Variants in MATR3 observed in about 807,000 individuals in gnomAD.
The protein encoded by MATR3 is matrin-3.
In MATR3, 4 loss-of-function variants were observed where a neutral mutation model predicts 85.5. That is an observed-to-expected ratio of 0.05 (90% CI 0.02 to 0.11). MATR3 has a LOEUF of 0.11. Among genes scored for constraint, MATR3 ranks in the 10% least tolerant of loss-of-function variants. The probability of loss-of-function intolerance (pLI) is 1.00; values close to 1 mark genes in which losing one functional copy is unlikely to be tolerated. For synonymous variants in MATR3, 336 were observed against 343.1 expected (o/e 0.98, Z 0.23); for missense variants, 685 against 1,016.1 (o/e 0.67, Z 4.43).
intron 1 of MATR3, chr5:139,295,129 A>T (rs775552415): frequency 2.0e-5 from 3 of 152,238 alleles, no homozygotes; most frequent in Non-Finnish European, 2.9e-5. Flanking sequence ...GACAAAAATG[A>T]TGTTTCAGGC....
intron 12 of MATR3, 173 bp from the exon 13 acceptor site, chr5:139,325,267 T>G (rs924585725): frequency 1.3e-6 from 2 of 1,550,594 alleles, no homozygotes; most frequent in Non-Finnish European, 1.7e-6. Flanking sequence ...AGGATAATTG[T>G]TGCAGAGTAA....
At chr5:139,319,306 G>C (rs1264811970) in intron 8 of MATR3, 28 bp from the exon 9 acceptor site, 6 of 1,601,474 alleles carry the variant, frequency 3.7e-6, no homozygotes, top group Non-Finnish European at 5.1e-6. Flanking sequence ...TTGCACATTT[G>C]TCCTTTTGTT....
intron 1 of MATR3, among the ~76,000 whole-genome samples, chr5:139,302,638 T>C (rs1340859962): frequency 6.6e-6 from 1 of 152,238 alleles, no homozygotes; most frequent in Non-Finnish European, 1.5e-5. Context: ...AATATTTTTG[T>C]GTGATTTATG....
At chr5:139,314,862 G>A (rs1755163323) in intron 3 of MATR3, 126 bp downstream of exon 3, 1 of 792,932 alleles carries the variant, frequency 1.3e-6, no homozygotes, top group Non-Finnish European at 2.1e-6. Flanking sequence ...GTACTGTATG[G>A]ACAATACTAT....
At chr5:139,314,937 GTTA>G (rs1412687940) in intron 3 of MATR3, 2 of 527,674 alleles carry the variant, frequency 3.8e-6, no homozygotes, top group Admixed American at 3.0e-5. Context: ...ATAATATTTT[GTTA>G]TTTAACATTT....
chr5:139,312,711 G>A (rs772002999), intron 2 of MATR3: 8 of 152,150 alleles, frequency 5.3e-5, no homozygotes, highest in Admixed American at 2.6e-4. Context: ...GAGTGCAATG[G>A]TGTGATCTTG....
chr5:139,329,004 C>G (rs1489506777), intron 14 of MATR3, among the ~76,000 whole-genome samples: 1 of 146,190 alleles, frequency 6.8e-6, no homozygotes, highest in Non-Finnish European at 1.5e-5. Context: ...AACTCTCCCT[C>G]AAAAAAAAAA....
intron 3 of MATR3, among the ~76,000 whole-genome samples, chr5:139,286,816 C>G (rs920575908): frequency 1.3e-5 from 2 of 148,676 alleles, no homozygotes; most frequent in African/African-American, 4.9e-5. Flanking sequence ...TATACTCCAG[C>G]CCGGGCAAGA....
Position 139,307,857 on chromosome 5 carries a change from A to T in MATR3, c.442A>T (p.Arg148Trp). ...LPQILLQLKR[R>W]RTEEGPTLSY... ...CCAAATCCTTCTACAGCTTAAAAGG[A>T]GGAGAACTGAAGAAGGCCCTACCTT... Residue 148 changes from arginine (R) to tryptophan (W), a missense_variant, in exon 2 of 15, where the codon AGG becomes TGG. Physicochemically the swap from Arg to Trp is moderately radical, Grantham distance 101 (BLOSUM62 -3). This residue lies in a region of MATR3 where 223 missense variants were observed against 334.4 expected (regional missense o/e 0.67). Coordinates refer to ENST00000394805, the MANE Select transcript of MATR3 (RefSeq NM_018834.6). This position sits in a 1 kb window ranked among gnomAD's most constrained non-coding sequence, Gnocchi z 4.4. 6.2e-7 allele frequency: 1 copy of T among 1,614,126 alleles called. No individual in the cohort carries two copies. The highest frequency in any genetic ancestry group is 8.5e-7 in the Non-Finnish European group (1 of 1,180,016).
intron 2 of MATR3, chr5:139,311,841 C>T (rs760255184): frequency 3.1e-5 from 4 of 129,718 alleles, no homozygotes; most frequent in Non-Finnish European, 3.1e-5. Context: ...GATCTTGGCT[C>T]ACTGCATCCT....
In MATR3 at chr5:139,308,193, T is replaced by G; in HGVS notation, c.778T>G (p.Leu260Val). 6.2e-7 allele frequency: 1 copy of G among 1,614,124 alleles called. No homozygotes were observed. Among genetic ancestry groups the G allele is most frequent in the Non-Finnish European group, 8.5e-7 (1 of 1,180,000 alleles). The change falls in exon 2 of 15, where the codon TTA (leucine) becomes GTA (valine). Residue 260 changes from leucine (L) to valine (V), a missense_variant. Around this residue, in one of 9 missense-constraint regions of MATR3, gnomAD observed 223 missense variants for 334.4 expected, o/e 0.67. Coordinates refer to ENST00000394805, the MANE Select transcript of MATR3 (RefSeq NM_018834.6). ...YERMGRGPGP[L>V]QERSLFEKKR... is the part of the protein sequence containing the mutation. ...GAGAATGGGACGTGGTCCTGGCCCC[T>G]TACAAGAGAGATCTCTCTTTGAGAA...
intron 1 of MATR3, among the ~76,000 whole-genome samples, chr5:139,298,185 C>T (rs1315816561): frequency 3.3e-5 from 5 of 152,190 alleles, no homozygotes; most frequent in African/African-American, 1.2e-4. Flanking sequence ...TCCCTCTTAA[C>T]ACACGGGAAC....
At chr5:139,295,890 C>G (rs1183713034) in intron 1 of MATR3, among the ~76,000 whole-genome samples, 1 of 152,084 alleles carries the variant, frequency 6.6e-6, no homozygotes, top group Admixed American at 6.5e-5. Flanking sequence ...ATCAGTGGCT[C>G]ACGGCTCACA....
At position 139,319,336 on chromosome 5, in the gene MATR3, A is replaced by T; in HGVS notation, c.1437A>T (p.Lys479Asn). ...TTTGTTGTTGTTATTTATTAAAGAAACCTGAAGGAAAGCCAGATCAGAAGT... is the reference window on the plus strand; with the variant it reads ...TTTGTTGTTGTTATTTATTAAAGAATCCTGAAGGAAAGCCAGATCAGAAGT... ...HLSQKYKRIK[K>N]PEGKPDQKFD... The change falls in exon 9 of 15, where the codon AAA becomes AAT. Residue 479 changes from lysine to asparagine, a missense_variant and splice_region_variant. Around this residue, in one of 9 missense-constraint regions of MATR3, gnomAD observed 30 missense variants for 23.9 expected, o/e 1.25. Transcript: ENST00000394805. 4 of 1,614,080 alleles carry T rather than the reference A, an allele frequency of 2.5e-6. No homozygotes were observed. Among genetic ancestry groups the T allele is most frequent in the Non-Finnish European group, 3.4e-6 (4 of 1,179,992 alleles).
At chr5:139,322,117 A>G in intron 10 of MATR3, 88 bp downstream of exon 10, 2 of 1,425,548 alleles carry the variant, frequency 1.4e-6, no homozygotes, top group Non-Finnish European at 2.0e-6. Flanking sequence ...TTGTATGCTA[A>G]AAATACAGGA....
chr5:139,284,599 C>G (rs1473608969), intron 3 of MATR3, among the ~76,000 whole-genome samples: 1 of 148,432 alleles, frequency 6.7e-6, no homozygotes, highest in African/African-American at 2.5e-5. Flanking sequence ...CAGACTGAGA[C>G]AGTCTCAAAA....
chr5:139,322,393 A>G (rs1179935100), intron 10 of MATR3, 70 bp from the exon 11 acceptor site: 6 of 1,378,636 alleles, frequency 4.4e-6, no homozygotes, highest in Non-Finnish European at 6.2e-6. Context: ...GATTGTCTCC[A>G]ATTATTAATT....
At chr5:139,320,002 T>C (rs942749069) in intron 9 of MATR3, among the ~76,000 whole-genome samples, 7 of 149,896 alleles carry the variant, frequency 4.7e-5, no homozygotes, top group African/African-American at 9.8e-5. Context: ...TACTTTTTTT[T>C]CTTGTATTTA....
At chr5:139,309,914 A>G (rs1012547798) in intron 2 of MATR3, 1 of 152,186 alleles carries the variant, frequency 6.6e-6, no homozygotes, top group African/African-American at 2.4e-5. Context: ...AGTATGACCA[A>G]TATTCTCAGA....
Sources: gnomAD v4.1 joint callset for allele counts (sites outside exome capture counted in the v4.1 genomes callset) on GRCh38, gnomAD v4.1.1 for gene constraint, gnomAD v4.1.1 regional missense constraint, Gnocchi (gnomAD v3.1) non-coding constraint, MANE v1.5 for transcripts, NCBI Gene and HGNC (gene_info 2026-07-23, HGNC 2026-07-21) for gene names.